MED16: variants seen among roughly 807,000 people sequenced by gnomAD.
MED16 encodes mediator of RNA polymerase II transcription subunit 16.
In MED16, 81 loss-of-function variants were observed where a neutral mutation model predicts 84.4. The ratio of observed to expected loss-of-function variants is 0.96; its 90% confidence interval spans 0.80 to 1.15. The LOEUF (loss-of-function observed/expected upper bound fraction) is 1.15. MED16 is among the 50% of genes most tolerant of loss of function. The pLI is 0.00. For missense variants in MED16, 1,585 were observed against 1,245.9 expected (o/e 1.27, Z -4.10); for synonymous variants, 897 against 552.2 (o/e 1.62, Z -8.76).
chr19:870,981 G>A (rs570487109), intron 13 of MED16, 56 bp downstream of exon 13: 2 of 1,453,772 alleles, frequency 1.4e-6, no homozygotes, highest in South Asian at 1.3e-5. Context: ...GGGTCCCGGG[G>A]CAGGACACGG....
intron 10 of MED16, among the ~76,000 whole-genome samples, chr19:874,291 T>C (rs2036176155): frequency 1.3e-5 from 2 of 152,140 alleles, no homozygotes; most frequent in Admixed American, 6.5e-5. Context: ...TTTTTGTATT[T>C]TTAGTAGAGA....
chr19:879,973 C>T lies in MED16; in HGVS notation c.1317G>A (p.Thr439=), dbSNP rs770968682. ...VHLKAMQLSW[T]SLALVGIDSH... ...TGTCAATCCCCACCAGGGCCAGTGA[C>T]GTCCACGATAGCTGCATAGCCTTTA... is the stretch of plus-strand genomic sequence containing the variant. Residue 439 remains threonine (T), a synonymous_variant, in exon 8 of 16, where the codon ACG becomes ACA. Transcript: ENST00000325464. 21 of 1,606,712 alleles carry T rather than the reference C, an allele frequency of 1.3e-5. No homozygotes were observed. Among genetic ancestry groups the T allele is most frequent in the Admixed American group, 6.8e-5 (4 of 58,838 alleles).
intron 9 of MED16, among the ~76,000 whole-genome samples, chr19:875,902 G>A (rs1651887): frequency 0.24 from 36,136 of 152,114 alleles, 4,568 homozygotes; most frequent in Middle Eastern, 0.28. Flanking sequence ...ATTCCTGGAG[G>A]CTGGGAGTTG....
In MED16 at chr19:877,175, G is replaced by A. The variant is rs374542309; in HGVS notation, c.1359C>T (p.Ser453=). The A allele has an allele frequency of 2.4e-5, 39 of 1,607,546 alleles. No individual in the cohort carries two copies. The highest frequency in any genetic ancestry group is 1.6e-4 in the African/African-American group (12 of 74,894). Residue 453 remains serine (S), a synonymous_variant, in exon 9 of 16, where the codon AGC becomes AGT. Transcript: ENST00000325464. ...CCATGGAAGGTGAGAGGCGGAGCAC[G>A]CTCAGCTGCCAGAGACAGAGCCCAA... ...LVGIDSHGKL[S]VLRLSPSMGH...
At chr19:891,506 G>A (rs958819343) in intron 1 of MED16, among the ~76,000 whole-genome samples, 6 of 152,182 alleles carry the variant, frequency 3.9e-5, no homozygotes, top group African/African-American at 4.8e-5. Flanking sequence ...GATGATGGGG[G>A]CAGCAAGTGG....
At chr19:883,091 G>A (rs1046374827) in intron 6 of MED16, among the ~76,000 whole-genome samples, 1 of 152,210 alleles carries the variant, frequency 6.6e-6, no homozygotes, top group African/African-American at 2.4e-5. Context: ...CTCACAGCAC[G>A]ATTTACATCC....
chr19:879,981 A>T lies in MED16; in HGVS notation c.1309T>A (p.Ser437Thr). 3.7e-6 allele frequency: 6 copies of T among 1,607,254 alleles called. No homozygotes were observed. Among genetic ancestry groups the T allele is most frequent in the Non-Finnish European group, 5.1e-6 (6 of 1,177,230 alleles). Residue 437 changes from serine to threonine, a missense_variant, in exon 8 of 16, where the codon TCG (serine) becomes ACG (threonine). Physicochemically the swap from Ser to Thr is moderately conservative, Grantham distance 58. Coordinates refer to ENST00000325464, the MANE Select transcript of MED16 (RefSeq NM_005481.3). ...PAVHLKAMQL[S>T]WTSLALVGID... Reference sequence around the variant, plus strand: ...CCCACCAGGGCCAGTGACGTCCACGATAGCTGCATAGCCTTTAAGTGGACG... The same window carrying T: ...CCCACCAGGGCCAGTGACGTCCACGTTAGCTGCATAGCCTTTAAGTGGACG...
chr19:868,800 G>T, intron 14 of MED16, 63 bp downstream of exon 14: 1 of 1,498,788 alleles, frequency 6.7e-7, no homozygotes, highest in Admixed American at 2.0e-5. Flanking sequence ...GTGGGGGCTA[G>T]AATCAGCTGA....
chr19:886,341 T>C lies in MED16; in HGVS notation c.448-140A>G, dbSNP rs1488037822. On this transcript the variant is annotated intron_variant, in intron 4 of 15. Coordinates refer to ENST00000325464, the MANE Select transcript of MED16 (RefSeq NM_005481.3). ...GGGTTCAGATCCTGACTCGGCCACC[T>C]GAGCCGTGTGGGATGTGATCCCCTC... 62 of 704,630 alleles carry C rather than the reference T, an allele frequency of 8.8e-5. 1 individual carries two copies. The highest frequency in any genetic ancestry group is 1.3e-4 in the Non-Finnish European group (58 of 451,606). The allele number at this position is 704,630 out of a possible 1,614,324, so 43.6% of individuals were successfully genotyped here.
intron 6 of MED16, among the ~76,000 whole-genome samples, chr19:883,678 C>A (rs2036466671): frequency 6.6e-6 from 1 of 152,118 alleles, no homozygotes; most frequent in South Asian, 2.1e-4. Context: ...GAGCCCAGGA[C>A]TGCCCAGTGG....
At chr19:877,241 A>AGGAATGGG in intron 8 of MED16, 61 bp from the exon 9 acceptor site, 1 of 1,520,256 alleles carries the variant, frequency 6.6e-7, no homozygotes, top group Non-Finnish European at 8.9e-7. Context: ...CAGCCGGGAG[A>AGGAATGGG]GGAATGGGGC....
chr19:890,253 A>AC lies in MED16; in HGVS notation c.170-10dup. The AC allele has an allele frequency of 6.5e-7, 1 of 1,528,276 alleles. No individual in the cohort carries two copies. The highest frequency in any genetic ancestry group is 8.8e-7 in the Non-Finnish European group (1 of 1,134,570). The allele number at this position is 1,528,276 out of a possible 1,614,324, so 94.7% of individuals were successfully genotyped here. A position where few individuals can be genotyped will look rare whatever the true frequency, so the allele number is the denominator to read the frequency against. On this transcript the variant is annotated splice_polypyrimidine_tract_variant and intron_variant, in intron 2 of 15. Coordinates refer to ENST00000325464, the MANE Select transcript of MED16 (RefSeq NM_005481.3). ...GATCATGCGGGTCAGGTCTGTGGGG[A>AC]CGGGGCATGGTCAGCACGGCCTGGC...
At position 889,677 on chromosome 19, in the gene MED16, C is replaced by G; in HGVS notation, c.408G>C (p.Trp136Cys). 6.2e-7 allele frequency: 1 copy of G among 1,613,842 alleles called. No homozygotes were observed. The highest frequency in any genetic ancestry group is 8.5e-7 in the Non-Finnish European group (1 of 1,179,900). ...GGGCCAGTTTCACACCATTGTGCAG[C>G]CAGGACAGGGCCACAATGGGGTCCC... Reference protein sequence around the residue: ...VEGDPIVALSWLHNGVKLALH... With the variant: ...VEGDPIVALSCLHNGVKLALH... The change falls in exon 4 of 16, where the codon TGG becomes TGC. Residue 136 changes from tryptophan (W) to cysteine (C), a missense_variant. Coordinates refer to ENST00000325464, the MANE Select transcript of MED16 (RefSeq NM_005481.3).
rs766942790 is a variant in MED16 at position 889,709 on chromosome 19, C to T, written c.376G>A (p.Val126Met). Residue 126 changes from valine to methionine, a missense_variant, in exon 4 of 16, where the codon GTG becomes ATG. Physicochemically the swap from Val to Met is conservative, Grantham distance 21 (BLOSUM62 1). Transcript: ENST00000325464. ...NSWESSVGSLVEGDPIVALSW... is the reference protein window; with the variant it reads ...NSWESSVGSLMEGDPIVALSW... ...AGGGCCACAATGGGGTCCCCCTCCA[C>T]TAGGCTGCCCACTGAGCTCTCCCAG... 3 of 1,613,724 alleles carry T rather than the reference C, an allele frequency of 1.9e-6. No individual in the cohort carries two copies. In the African/African-American group the frequency reaches 4.0e-5, roughly 22 times the overall value.
In MED16 at chr19:889,758, G is replaced by A. The variant is rs1313787220; in HGVS notation, c.327C>T (p.Ser109=). 1.2e-6 allele frequency: 2 copies of A among 1,613,338 alleles called. No homozygotes were observed. Among genetic ancestry groups the A allele is most frequent in the African/African-American group, 1.3e-5 (1 of 74,924 alleles). Residue 109 remains serine, a synonymous_variant, in exon 4 of 16, where the codon AGC becomes AGT. Coordinates refer to ENST00000325464, the MANE Select transcript of MED16 (RefSeq NM_005481.3). The part of the protein sequence containing the change: ...ADADGQIKCW[S]MADHLANSWE... ...AGCTATTAGCCAGGTGGTCCGCCATGCTCCAGCACTTGATCTGCCCGTCGG... is the reference window on the plus strand; with the variant it reads ...AGCTATTAGCCAGGTGGTCCGCCATACTCCAGCACTTGATCTGCCCGTCGG...
intron 8 of MED16, 132 bp from the exon 9 acceptor site, chr19:877,312 G>A (rs888452755): frequency 2.5e-6 from 2 of 785,668 alleles, no homozygotes; most frequent in African/African-American, 1.7e-5. Flanking sequence ...GGGCCTGTGT[G>A]CGCGCATGTG....
intron 8 of MED16, 50 bp from the exon 9 acceptor site, chr19:877,230 T>A (rs768958447): frequency 6.5e-7 from 1 of 1,548,490 alleles, no homozygotes; most frequent in Non-Finnish European, 8.7e-7. Context: ...GGCTGCGCCC[T>A]CAGCCGGGAG....
intron 9 of MED16, among the ~76,000 whole-genome samples, chr19:876,662 C>T (rs2036238350): frequency 6.6e-6 from 1 of 152,056 alleles, no homozygotes; most frequent in African/African-American, 2.4e-5. Flanking sequence ...ACCTGCCCCT[C>T]TTGCCCTCCG....
chr19:869,341 T>C (rs955162489), intron 13 of MED16, among the ~76,000 whole-genome samples: 1 of 146,082 alleles, frequency 6.8e-6, no homozygotes, highest in Admixed American at 6.9e-5. Flanking sequence ...ACACCACCTC[T>C]GCCCAGACAC....
Sources: gnomAD v4.1 joint callset for allele counts (sites outside exome capture counted in the v4.1 genomes callset) on GRCh38, gnomAD v4.1.1 for gene constraint, MANE v1.5 for transcripts, NCBI Gene and HGNC (gene_info 2026-07-23, HGNC 2026-07-21) for gene names.